TBC1D22A: variants seen among roughly 807,000 people sequenced by gnomAD.
TBC1D22A encodes TBC1 domain family member 22A.
A neutral mutation model predicts 60.2 loss-of-function variants in TBC1D22A; 38 were observed. The observed-to-expected ratio is 0.63, with a 90% CI of 0.49 to 0.83. The LOEUF (loss-of-function observed/expected upper bound fraction) is 0.83, where lower values mean the gene tolerates loss of function less well. Among genes scored for constraint, TBC1D22A ranks in the 40% least tolerant of loss-of-function variants. The probability of loss-of-function intolerance (pLI) is 0.00; values close to 1 mark genes in which losing one functional copy is unlikely to be tolerated. For synonymous variants in TBC1D22A, 302 were observed against 281.7 expected (o/e 1.07, Z -0.72); for missense variants, 628 against 701.0 (o/e 0.90, Z 1.18).
chr22:46,948,122 G>T (rs1302628947), intron 8 of TBC1D22A, among the ~76,000 whole-genome samples: 2 of 152,340 alleles, frequency 1.3e-5, no homozygotes, highest in Non-Finnish European at 2.9e-5. Flanking sequence ...GAACAGGAGA[G>T]ATTTGCAAAA....
intron 4 of TBC1D22A, among the ~76,000 whole-genome samples, chr22:46,829,866 G>A (rs374164835): frequency 2.6e-5 from 4 of 152,152 alleles, no homozygotes; most frequent in African/African-American, 7.2e-5. Context: ...TAGGAACTGT[G>A]TGTGTTGATA....
intron 10 of TBC1D22A, among the ~76,000 whole-genome samples, chr22:47,033,590 C>T (rs2062558874): frequency 6.6e-6 from 1 of 152,148 alleles, no homozygotes; most frequent in Non-Finnish European, 1.5e-5. Flanking sequence ...AGCACTTATG[C>T]CCCTTTCGTG....
At chr22:46,827,498 G>A (rs1267445461) in intron 4 of TBC1D22A, among the ~76,000 whole-genome samples, 1 of 152,088 alleles carries the variant, frequency 6.6e-6, no homozygotes, top group Non-Finnish European at 1.5e-5. Flanking sequence ...CCTTTCTCAC[G>A]GACTTACCTT....
At chr22:46,847,001 C>G (rs750358343) in intron 4 of TBC1D22A, among the ~76,000 whole-genome samples, 1 of 152,180 alleles carries the variant, frequency 6.6e-6, no homozygotes, top group South Asian at 2.1e-4. Flanking sequence ...TGTGGAATCT[C>G]GCGTGGGGTT....
At chr22:46,787,167 A>G (rs1348404470) in intron 1 of TBC1D22A, among the ~76,000 whole-genome samples, 2 of 152,224 alleles carry the variant, frequency 1.3e-5, no homozygotes, top group African/African-American at 2.4e-5. Flanking sequence ...GTTGATAATA[A>G]TGTCTTTTCC....
At chr22:47,150,244 G>C (rs376426744) in intron 12 of TBC1D22A, among the ~76,000 whole-genome samples, 1 of 152,172 alleles carries the variant, frequency 6.6e-6, no homozygotes, top group African/African-American at 2.4e-5. Flanking sequence ...AGGCAAAGCA[G>C]GAACCAAATA....
At chr22:46,784,310 G>A (rs918728866) in intron 1 of TBC1D22A, among the ~76,000 whole-genome samples, 16 of 152,186 alleles carry the variant, frequency 1.1e-4, no homozygotes, top group Admixed American at 5.2e-4. Flanking sequence ...CAAGTGATCC[G>A]CCAGCCTCCC....
chr22:47,109,760 C>T (rs907249858), intron 11 of TBC1D22A, among the ~76,000 whole-genome samples: 1 of 152,114 alleles, frequency 6.6e-6, no homozygotes, highest in African/African-American at 2.4e-5. Context: ...TCTCCTACCC[C>T]AGATCTGTCA....
chr22:47,005,662 A>G (rs1311246311), intron 10 of TBC1D22A, among the ~76,000 whole-genome samples: 3 of 151,152 alleles, frequency 2.0e-5, no homozygotes, highest in Non-Finnish European at 3.0e-5. Context: ...ACCCACACAC[A>G]CACCCATATA....
At chr22:47,161,041 C>T (rs1770026640) in intron 12 of TBC1D22A, among the ~76,000 whole-genome samples, 1 of 152,194 alleles carries the variant, frequency 6.6e-6, no homozygotes, top group Non-Finnish European at 1.5e-5. Flanking sequence ...GCCCACCTGC[C>T]ACAGCACATG....
rs370828462 is a variant in TBC1D22A at position 47,028,730 on chromosome 22, C to T, written c.1202-8341C>T. ...TGACACGACGTTGACATTAAATGAA[C>T]GGTGGAGAAGTTATCTTGAGGGAAT... is the stretch of plus-strand genomic sequence containing the variant. On this transcript the variant is annotated intron_variant, in intron 10 of 12. Transcript: ENST00000337137. This position sits in a 1 kb window ranked among gnomAD's most constrained non-coding sequence, Gnocchi z 4.4. 3.3e-5 allele frequency among the ~76,000 whole-genome samples: 5 copies of T among 152,202 alleles called. No individual in the cohort carries two copies. Among genetic ancestry groups the T allele is most frequent in the South Asian group, 2.1e-4 (1 of 4,830 alleles).
chr22:46,962,021 AC>A (rs2073533707), intron 8 of TBC1D22A, among the ~76,000 whole-genome samples: 1 of 152,210 alleles, frequency 6.6e-6, no homozygotes, highest in African/African-American at 2.4e-5. Flanking sequence ...AGGTGGTTGA[AC>A]GTACACTTCA....
At chr22:47,016,748 C>T (rs1251116881) in intron 10 of TBC1D22A, among the ~76,000 whole-genome samples, 1 of 152,240 alleles carries the variant, frequency 6.6e-6, no homozygotes, top group Non-Finnish European at 1.5e-5. Context: ...CTTCCAGTCA[C>T]AGCCGTATTC....
chr22:47,087,040 GCA>G (rs1366339738), intron 11 of TBC1D22A, among the ~76,000 whole-genome samples: 1 of 152,276 alleles, frequency 6.6e-6, no homozygotes, highest in Non-Finnish European at 1.5e-5. Flanking sequence ...TGCTCCGTCT[GCA>G]GCTAGTGAGC....
At chr22:47,057,345 C>T (rs544913671) in intron 11 of TBC1D22A, among the ~76,000 whole-genome samples, 101 of 152,304 alleles carry the variant, frequency 6.6e-4, no homozygotes, top group Non-Finnish European at 1.2e-3. Flanking sequence ...GCCACCGTCC[C>T]GCCTTCCCCT....
intron 10 of TBC1D22A, among the ~76,000 whole-genome samples, chr22:47,019,455 C>T (rs535486714): frequency 2.4e-4 from 36 of 152,278 alleles, no homozygotes; most frequent in Non-Finnish European, 8.8e-5. Flanking sequence ...TGACAGCGAG[C>T]GTGAAGGACT....
intron 12 of TBC1D22A, among the ~76,000 whole-genome samples, chr22:47,132,542 C>T (rs575190696): frequency 3.9e-5 from 6 of 152,348 alleles, no homozygotes; most frequent in African/African-American, 1.2e-4. Flanking sequence ...GGCCTGCAAC[C>T]CAAACTGACT....
At chr22:47,099,784 T>A (rs2065336381) in intron 11 of TBC1D22A, among the ~76,000 whole-genome samples, 1 of 152,204 alleles carries the variant, frequency 6.6e-6, no homozygotes, top group Non-Finnish European at 1.5e-5. Context: ...TCAGGGTGGC[T>A]CTGCCAGGTC....
At chr22:47,167,685 G>A (rs1331082190) in intron 12 of TBC1D22A, among the ~76,000 whole-genome samples, 3 of 152,242 alleles carry the variant, frequency 2.0e-5, no homozygotes, top group African/African-American at 7.2e-5. Flanking sequence ...GTGAGGGTAA[G>A]TCCAGGGTTT....
Sources: allele counts gnomAD v4.1 joint callset (sites outside exome capture counted in the v4.1 genomes callset), GRCh38; gene constraint gnomAD v4.1.1; non-coding constraint Gnocchi (gnomAD v3.1); transcripts MANE v1.5; gene names NCBI Gene and HGNC (gene_info 2026-07-23, HGNC 2026-07-21).